The following TULP2 variants were observed in gnomAD, a reference collection of about 807,000 sequenced individuals.
TULP2 encodes tubby-related protein 2.
In TULP2, 64 loss-of-function variants were observed where a neutral mutation model predicts 60.3. The observed-to-expected ratio is 1.06, with a 90% CI of 0.87 to 1.31. TULP2 has a LOEUF of 1.31. Ranked by LOEUF, TULP2 falls within the 50% of genes most tolerant of loss-of-function variation. The pLI, the probability that TULP2 is intolerant of heterozygous loss-of-function variation, is 0.00. For missense variants in TULP2, 652 were observed against 667.0 expected, an observed-to-expected ratio of 0.98 and a Z score of 0.25; for synonymous variants, 267 against 265.4, an observed-to-expected ratio of 1.01 and a Z score of -0.06.
chr19:48,885,638 C>G, intron 8 of TULP2, 78 bp from the exon 9 acceptor site: 1 of 1,333,520 alleles, frequency 7.5e-7, no homozygotes, highest in Non-Finnish European at 1.1e-6. Context: ...AATCCCTGCA[C>G]TTTGGGAGGC....
intron 8 of TULP2, among the ~76,000 whole-genome samples, chr19:48,887,012 CT>C (rs535945118): frequency 0.17 from 22,501 of 132,400 alleles, 2,353 homozygotes; most frequent in African/African-American, 0.37. Flanking sequence ...CGTGCCCGGC[CT>C]TTTTTTTTTT....
chr19:48,897,360 C>A lies in TULP2; in HGVS notation c.69G>T (p.Gln23His), dbSNP rs1000028104. Residue 23 changes from glutamine to histidine, a missense_variant, in exon 3 of 13, where the codon CAG becomes CAT. Gln to His is a conservative substitution (Grantham distance 24). Coordinates refer to ENST00000221399, the MANE Select transcript of TULP2 (RefSeq NM_003323.3). This position sits in a 1 kb window ranked among gnomAD's most constrained non-coding sequence, Gnocchi z 4.0. ...GGCACAATACCTGCTGTTCCAGCTT[C>A]TGCAGCCTCATAGCAGCGAGCTCAT... ...LGHELAAMRL[Q>H]KLEQQRRLFE... is the part of the protein sequence containing the mutation. 2 of 1,613,886 alleles carry A rather than the reference C, an allele frequency of 1.2e-6. No homozygotes were observed. The highest frequency in any genetic ancestry group is 2.7e-5 in the African/African-American group (2 of 75,046).
intron 6 of TULP2, among the ~76,000 whole-genome samples, chr19:48,890,945 A>G (rs2037226785): frequency 6.6e-6 from 1 of 152,136 alleles, no homozygotes; most frequent in African/African-American, 2.4e-5. Flanking sequence ...AAATAAAAGG[A>G]AACGTCACCA....
At position 48,881,072 on chromosome 19, in the gene TULP2, T is replaced by C; in HGVS notation, c.1502A>G (p.Asp501Gly). The change falls in exon 13 of 13, where the codon GAC becomes GGC. Residue 501 changes from aspartate to glycine, a missense_variant. Physicochemically the swap from Asp to Gly is moderately conservative, Grantham distance 94. Coordinates refer to ENST00000221399, the MANE Select transcript of TULP2 (RefSeq NM_003323.3). ...GAGCGGGCTAAATGGAAAGCAGAAG[T>C]CCATGGTGAATGTGTCTGGGCCCAC... The part of the protein sequence containing the change: ...GRVGPDTFTM[D>G]FCFPFSPLQA... The C allele has an allele frequency of 6.8e-6, 11 of 1,613,894 alleles. No individual in the cohort carries two copies. Among genetic ancestry groups the C allele is most frequent in the Non-Finnish European group, 9.3e-6 (11 of 1,179,958 alleles).
At position 48,896,576 on chromosome 19, in the gene TULP2, G is replaced by A. The variant is rs375036828; in HGVS notation, c.85-20C>T. 15 of 1,579,084 alleles carry A rather than the reference G, an allele frequency of 9.5e-6. No homozygotes were observed. In the African/African-American group the frequency reaches 1.9e-4, roughly 20 times the overall value. On this transcript the variant is annotated intron_variant, in intron 3 of 12. Transcript: ENST00000221399. ...CCGCCGCTGGGGAGATGGGAGAGGTGGGTGTCCGGGACAGGAACCAGATGG... is the reference window on the plus strand; with the variant it reads ...CCGCCGCTGGGGAGATGGGAGAGGTAGGTGTCCGGGACAGGAACCAGATGG...
chr19:48,887,903 G>T, intron 8 of TULP2, 47 bp downstream of exon 8: 1 of 1,572,428 alleles, frequency 6.4e-7, no homozygotes, highest in Non-Finnish European at 8.7e-7. Flanking sequence ...GATTTTGCCT[G>T]GGAGGTGGGG....
intron 11 of TULP2, 134 bp downstream of exon 11, chr19:48,883,620 C>T: frequency 1.2e-6 from 1 of 863,412 alleles, no homozygotes; most frequent in Non-Finnish European, 1.8e-6. Context: ...TAACAAAGTC[C>T]TTCAGGCTTC....
chr19:48,881,873 AGGGTGT>A lies in TULP2; in HGVS notation c.1447+153_1447+158del, dbSNP rs527658244. ...TGCCCTTACTAAGCCAGAAACCCTGAGGGTGTGTAAACTACAATTCCCAATAGGCTT... is the reference window on the plus strand; with the variant it reads ...TGCCCTTACTAAGCCAGAAACCCTGAGTAAACTACAATTCCCAATAGGCTT... On this transcript the variant is annotated intron_variant, in intron 12 of 12. Transcript: ENST00000221399. The A allele has an allele frequency of 1.7e-4, 158 of 936,934 alleles. No individual in the cohort carries two copies. In the African/African-American group the frequency reaches 1.8e-3, roughly 10 times the overall value. The allele number at this position is 936,934 out of a possible 1,614,324, so 58.0% of individuals were successfully genotyped here. A position where few individuals can be genotyped will look rare whatever the true frequency, so the allele number is the denominator to read the frequency against.
chr19:48,888,212 T>C lies in TULP2; in HGVS notation c.686A>G (p.Asn229Ser), dbSNP rs780918917. The C allele has an allele frequency of 6.2e-7, 1 of 1,611,994 alleles. No homozygotes were observed. Among genetic ancestry groups the C allele is most frequent in the Non-Finnish European group, 8.5e-7 (1 of 1,178,392 alleles). ...CTCTTCGTTGTGTGCTGCTGAGGAG[T>C]TCGTCCCTGTAGACTCAGAGGCCTC... The part of the protein sequence containing the change: ...KREASESTGT[N>S]SSAAHNEELS... Residue 229 changes from asparagine to serine, a missense_variant, in exon 8 of 13, where the codon AAC (asparagine) becomes AGC (serine). Physicochemically the swap from Asn to Ser is conservative, Grantham distance 46 (BLOSUM62 1). Transcript: ENST00000221399.
rs2037283132 is a variant in TULP2 at position 48,896,495 on chromosome 19, T to G, written c.146A>C (p.Asn49Thr). 1 of 1,611,384 alleles carries G rather than the reference T, an allele frequency of 6.2e-7. No homozygotes were observed. Among genetic ancestry groups the G allele is most frequent in the Non-Finnish European group, 8.5e-7 (1 of 1,178,980 alleles). The stretch of plus-strand genomic sequence containing the variant: ...CCAAAGCCACGGGGAAGCGTCAGGA[T>G]TGGCCTGAACCATGAGGAGCTCCTG... Reference protein sequence around the residue: ...KRQELLMVQANPDASPWLWRS... With the variant: ...KRQELLMVQATPDASPWLWRS... The change falls in exon 4 of 13, where the codon AAT (asparagine) becomes ACT (threonine). Residue 49 changes from asparagine (N) to threonine (T), a missense_variant. Asn to Thr is a moderately conservative substitution (Grantham distance 65). Transcript: ENST00000221399.
At chr19:48,892,275 G>A (rs1195110502) in intron 6 of TULP2, among the ~76,000 whole-genome samples, 1 of 152,090 alleles carries the variant, frequency 6.6e-6, no homozygotes, top group Non-Finnish European at 1.5e-5. Flanking sequence ...GCTTCCTTGG[G>A]CAGGGGTCCC....
chr19:48,890,958 A>G (rs1355284129), intron 6 of TULP2, among the ~76,000 whole-genome samples: 1 of 152,144 alleles, frequency 6.6e-6, no homozygotes, highest in Non-Finnish European at 1.5e-5. Flanking sequence ...CGTCACCACA[A>G]TGGAATATTA....
At chr19:48,888,771 G>A (rs1216552708) in intron 7 of TULP2, among the ~76,000 whole-genome samples, 21 of 151,626 alleles carry the variant, frequency 1.4e-4, no homozygotes, top group African/African-American at 5.1e-4. Context: ...ACAGGCTTTC[G>A]CCACCACGCC....
intron 6 of TULP2, among the ~76,000 whole-genome samples, chr19:48,891,990 C>A (rs914360399): frequency 1.1e-4 from 17 of 152,174 alleles, no homozygotes; most frequent in Non-Finnish European, 2.5e-4. Flanking sequence ...GCAGTATTGC[C>A]GCCATGATGT....
intron 4 of TULP2, 99 bp downstream of exon 4, chr19:48,896,331 C>T: frequency 1.4e-6 from 2 of 1,441,072 alleles, no homozygotes; most frequent in Non-Finnish European, 1.8e-6. Context: ...CTGCCAAGTC[C>T]CCACCCTAAG....
At chr19:48,892,653 AC>A (rs1400635497) in intron 6 of TULP2, among the ~76,000 whole-genome samples, 1 of 151,728 alleles carries the variant, frequency 6.6e-6, no homozygotes, top group Non-Finnish European at 1.5e-5. Context: ...ACAGGCGCCC[AC>A]CACCGCAACC....
In TULP2 at chr19:48,882,107, C is replaced by T. The variant is rs546074886; in HGVS notation, c.1372G>A (p.Val458Ile). 1.3e-4 allele frequency: 209 copies of T among 1,614,106 alleles called. 1 individual carries two copies. In the South Asian group the frequency reaches 1.7e-3, roughly 13 times the overall value. Reference protein sequence around the residue: ...KTPSWDKENGVYTLNFHGRVT... With the variant: ...KTPSWDKENGIYTLNFHGRVT... Reference sequence around the variant, plus strand: ...CGACCATGGAAATTGAGCGTGTAGACACCGTTCTCCTTGTCCCACGACGGG... The same window carrying T: ...CGACCATGGAAATTGAGCGTGTAGATACCGTTCTCCTTGTCCCACGACGGG... Residue 458 changes from valine (V) to isoleucine (I), a missense_variant, in exon 12 of 13, where the codon GTC (valine) becomes ATC (isoleucine). Coordinates refer to ENST00000221399, the MANE Select transcript of TULP2 (RefSeq NM_003323.3).
intron 4 of TULP2, among the ~76,000 whole-genome samples, chr19:48,895,839 A>T (rs1166831180): frequency 6.6e-6 from 1 of 152,154 alleles, no homozygotes; most frequent in Non-Finnish European, 1.5e-5. Context: ...ATATCCTGCC[A>T]TTGTACTCCA....
rs1373730522 is a variant in TULP2 at position 48,897,099 on chromosome 19, A to T, written c.84+246T>A. 1.3e-5 allele frequency among the ~76,000 whole-genome samples: 2 copies of T among 152,076 alleles called. No homozygotes were observed. Among genetic ancestry groups the T allele is most frequent in the Non-Finnish European group, 2.9e-5 (2 of 68,018 alleles). On this transcript the variant is annotated intron_variant, in intron 3 of 12. Transcript: ENST00000221399. The surrounding 1 kb of genome is among the most constrained non-coding windows in gnomAD (Gnocchi z 4.0). ...GAGACGGGGTTTCGCCGTGTTGGCC[A>T]GGCTTGTCTTGAACTCCTGACCTCA...
Sources: allele counts gnomAD v4.1 joint callset (sites outside exome capture counted in the v4.1 genomes callset), GRCh38; gene constraint gnomAD v4.1.1; non-coding constraint Gnocchi (gnomAD v3.1); transcripts MANE v1.5; gene names NCBI Gene and HGNC (gene_info 2026-07-23, HGNC 2026-07-21).